The following LRMDA variants were observed in gnomAD, a reference collection of about 807,000 sequenced individuals.
LRMDA encodes leucine rich melanocyte differentiation associated, also known as leucine-rich melanocyte differentiation-associated protein.
Under a neutral mutation model 29.8 loss-of-function variants are expected in LRMDA, and 18 were observed. The observed-to-expected ratio is 0.60, with a 90% confidence interval of 0.42 to 0.90. LRMDA has a LOEUF of 0.90. Ranked by LOEUF, LRMDA falls within the 40% of genes least tolerant of loss-of-function variation. LRMDA has a pLI of 0.00. For synonymous variants in LRMDA, 125 were observed against 109.4 expected, an observed-to-expected ratio of 1.14 and a Z score of -0.89; for missense variants, 273 against 273.9, an observed-to-expected ratio of 1.00 and a Z score of 0.02.
chr10:75,841,178 C>T (rs371977719), intron 2 of LRMDA, among the ~76,000 whole-genome samples: 22 of 152,280 alleles, frequency 1.4e-4, no homozygotes, highest in African/African-American at 4.6e-4. Context: ...GCTTGGTTCC[C>T]GAAGCCTTAG....
At chr10:76,350,014 A>C (rs1026773118) in intron 6 of LRMDA, among the ~76,000 whole-genome samples, 1 of 152,132 alleles carries the variant, frequency 6.6e-6, no homozygotes, top group Admixed American at 6.6e-5. Context: ...AAAGAAAAAG[A>C]AACCGACTGA....
chr10:76,273,941 T>C (rs748875507), intron 5 of LRMDA, among the ~76,000 whole-genome samples: 1 of 152,226 alleles, frequency 6.6e-6, no homozygotes, highest in Non-Finnish European at 1.5e-5. Context: ...TTATTTTCTT[T>C]TATGGATTTT....
chr10:76,044,812 CTTTG>C (rs1194371167), intron 3 of LRMDA, among the ~76,000 whole-genome samples: 5 of 152,202 alleles, frequency 3.3e-5, no homozygotes, highest in African/African-American at 9.6e-5. Flanking sequence ...ATTTCTCTGT[CTTTG>C]TTTGGGAAGC....
intron 6 of LRMDA, among the ~76,000 whole-genome samples, chr10:76,488,203 G>A (rs369092502): frequency 6.6e-6 from 1 of 151,554 alleles, no homozygotes; most frequent in East Asian, 1.9e-4. Context: ...CTATAGCTTT[G>A]TAGAACTATT....
At chr10:75,682,731 T>C (rs1196818100) in intron 2 of LRMDA, among the ~76,000 whole-genome samples, 2 of 152,138 alleles carry the variant, frequency 1.3e-5, no homozygotes, top group South Asian at 4.2e-4. Flanking sequence ...GGCTGCTTCT[T>C]GGAGGGGGTG....
intron 6 of LRMDA, among the ~76,000 whole-genome samples, chr10:76,481,770 C>G (rs1423514091): frequency 6.6e-6 from 1 of 151,850 alleles, no homozygotes; most frequent in East Asian, 1.9e-4. Flanking sequence ...AATAACAAGC[C>G]CTTCTCTATA....
chr10:75,599,919 C>T (rs896252095), intron 2 of LRMDA, among the ~76,000 whole-genome samples: 6 of 152,216 alleles, frequency 3.9e-5, no homozygotes, highest in African/African-American at 2.4e-5. Flanking sequence ...TCAGGACTTG[C>T]ACTGCAAGCC....
intron 5 of LRMDA, among the ~76,000 whole-genome samples, chr10:76,315,431 TCCTGCTCCCGGGCCTCTC>T (rs1245490605): frequency 1.3e-5 from 2 of 152,310 alleles, no homozygotes; most frequent in East Asian, 1.9e-4. Context: ...AAGTGCCTGC[TCCTGCTCCCGGGCCTCTC>T]CCTGCTCCCG....
In LRMDA at chr10:76,496,315, G is replaced by A. The variant is rs562151617; in HGVS notation, c.602-60894G>A. Among the ~76,000 whole-genome samples, 5 of 75,790 alleles carry A rather than the reference G, an allele frequency of 6.6e-5. 2 individuals are homozygous for A. In the South Asian group the frequency reaches 1.7e-3, roughly 26 times the overall value. 49.7% of individuals were successfully genotyped at this position (75,790 alleles called of 152,430 possible). A position where few individuals can be genotyped will look rare whatever the true frequency, so the allele number is the denominator to read the frequency against. ...GCTGAAGACTTGCAGGTAACTCTCT[G>A]CAACTTTCCAGAGCTTTTTTGATAC... On this transcript the variant is annotated intron_variant, in intron 6 of 6. Coordinates refer to ENST00000611255, the MANE Select transcript of LRMDA (RefSeq NM_001305581.2).
At chr10:76,333,965 A>C (rs1428932472) in intron 6 of LRMDA, among the ~76,000 whole-genome samples, 1 of 152,186 alleles carries the variant, frequency 6.6e-6, no homozygotes, top group Non-Finnish European at 1.5e-5. Context: ...TCCTCATCAC[A>C]GGATTCTCTC....
intron 2 of LRMDA, among the ~76,000 whole-genome samples, chr10:76,007,626 C>T (rs900661557): frequency 8.5e-5 from 13 of 152,266 alleles, no homozygotes; most frequent in South Asian, 2.1e-4. Flanking sequence ...CCCTTCTCCC[C>T]GCCATCCCAA....
intron 5 of LRMDA, among the ~76,000 whole-genome samples, chr10:76,179,576 G>T (rs1389164405): frequency 6.6e-6 from 1 of 152,192 alleles, no homozygotes; most frequent in African/African-American, 2.4e-5. Context: ...GAAAGAAAAT[G>T]CTTCAAGGGA....
At chr10:76,428,005 C>T (rs888650782) in intron 6 of LRMDA, among the ~76,000 whole-genome samples, 1 of 152,092 alleles carries the variant, frequency 6.6e-6, no homozygotes, top group African/African-American at 2.4e-5. Context: ...ATTCGGTTTG[C>T]CAGTATTTTA....
chr10:76,177,168 T>G (rs2132202327), intron 5 of LRMDA, among the ~76,000 whole-genome samples: 1 of 152,344 alleles, frequency 6.6e-6, no homozygotes, highest in South Asian at 2.1e-4. Context: ...AGCAGCACGC[T>G]TTTTAATCGG....
At chr10:76,205,183 T>C (rs973381700) in intron 5 of LRMDA, among the ~76,000 whole-genome samples, 11 of 152,192 alleles carry the variant, frequency 7.2e-5, no homozygotes, top group African/African-American at 1.9e-4. Context: ...AAAGCTGTGA[T>C]GTCCCTCCAG....
chr10:75,997,846 T>C (rs1847497600), intron 2 of LRMDA, among the ~76,000 whole-genome samples: 1 of 152,240 alleles, frequency 6.6e-6, no homozygotes, highest in South Asian at 2.1e-4. Context: ...AAATTGTCAT[T>C]CTGCTTCACG....
chr10:76,120,828 C>CTT (rs978706586), intron 5 of LRMDA, among the ~76,000 whole-genome samples: 4 of 130,970 alleles, frequency 3.1e-5, no homozygotes, highest in Non-Finnish European at 5.0e-5. Context: ...GTTGATTGTT[C>CTT]TTTTTTTTTT....
At chr10:76,247,709 T>C (rs1852401049) in intron 5 of LRMDA, among the ~76,000 whole-genome samples, 2 of 152,138 alleles carry the variant, frequency 1.3e-5, no homozygotes, top group African/African-American at 4.8e-5. Context: ...ACCTCTTGAA[T>C]GGGGGCTTGA....
At chr10:75,666,926 G>A (rs544499603) in intron 2 of LRMDA, among the ~76,000 whole-genome samples, 1 of 152,198 alleles carries the variant, frequency 6.6e-6, no homozygotes, top group Admixed American at 6.5e-5. Flanking sequence ...AATAAATAAT[G>A]GTGTAATCAA....
Sources: gnomAD v4.1 joint callset for allele counts (sites outside exome capture counted in the v4.1 genomes callset) on GRCh38, gnomAD v4.1.1 for gene constraint, MANE v1.5 for transcripts, NCBI Gene and HGNC (gene_info 2026-07-23, HGNC 2026-07-21) for gene names.